Variants in PAN3 observed in about 807,000 individuals in gnomAD.
PAN3 encodes PAN2-PAN3 deadenylation complex subunit PAN3.
PAN3 carries 19 observed loss-of-function variants against 96.2 expected under a neutral mutation model. That is an observed-to-expected ratio of 0.20 (90% CI 0.14 to 0.29). PAN3 has a LOEUF of 0.29. Among genes scored for constraint, PAN3 ranks in the 10% least tolerant of loss-of-function variants. The pLI, the probability that PAN3 is intolerant of heterozygous loss-of-function variation, is 1.00. For synonymous variants in PAN3, 433 were observed against 406.6 expected, an observed-to-expected ratio of 1.06 and a Z score of -0.78; for missense variants, 882 against 1,108.1, an observed-to-expected ratio of 0.80 and a Z score of 2.90.
At chr13:28,215,471 G>T in intron 5 of PAN3, 1 of 689,306 alleles carries the variant, frequency 1.5e-6, no homozygotes, top group South Asian at 1.7e-5. Context: ...AAAGATGTTC[G>T]TTGGGGGAGT....
intron 6 of PAN3, among the ~76,000 whole-genome samples, chr13:28,221,566 G>C (rs908160939): frequency 1.3e-5 from 2 of 152,084 alleles, no homozygotes; most frequent in African/African-American, 4.8e-5. Flanking sequence ...ATCTGTTTTA[G>C]CATTAAAGTA....
rs1227234627 is a variant in PAN3, at chr13:28,294,980, G to C, written c.*2458G>C. 1 of 151,966 alleles carries C rather than the reference G, an allele frequency of 6.6e-6. No homozygotes were observed. Among genetic ancestry groups the C allele is most frequent in the Non-Finnish European group, 1.5e-5 (1 of 68,008 alleles). 9.4% of individuals were successfully genotyped at this position (151,966 alleles called of 1,614,324 possible). On this transcript the variant is annotated 3_prime_UTR_variant, in exon 19 of 19. Transcript: ENST00000380958. ...TAAAAGTCTTTTTAATTAATAGAAA[G>C]ATTTTAATATCCAAGAGTAGTCAAA...
chr13:28,148,414 C>T (rs1593357728), intron 1 of PAN3, among the ~76,000 whole-genome samples: 1 of 152,176 alleles, frequency 6.6e-6, no homozygotes, highest in African/African-American at 2.4e-5. Flanking sequence ...CACTGAGTAG[C>T]TGGGACTACA....
chr13:28,235,718 CACACAT>C (rs1883033571), intron 6 of PAN3, among the ~76,000 whole-genome samples: 1 of 150,816 alleles, frequency 6.6e-6, no homozygotes, highest in East Asian at 1.9e-4. Flanking sequence ...CACACACACA[CACACAT>C]ATATATATAT....
intron 6 of PAN3, among the ~76,000 whole-genome samples, chr13:28,235,961 G>T (rs1883064348): frequency 6.6e-6 from 1 of 151,536 alleles, no homozygotes; most frequent in South Asian, 2.1e-4. Flanking sequence ...CAAACTTCTG[G>T]CCTCAAATGA....
At chr13:28,172,387 C>T (rs984670431) in intron 1 of PAN3, among the ~76,000 whole-genome samples, 10 of 151,868 alleles carry the variant, frequency 6.6e-5, no homozygotes, top group Non-Finnish European at 1.0e-4. Context: ...ACCCAGGGGG[C>T]GAAGCTTGCA....
At chr13:28,276,395 G>A (rs546330513) in intron 14 of PAN3, among the ~76,000 whole-genome samples, 1 of 152,304 alleles carries the variant, frequency 6.6e-6, no homozygotes, top group Admixed American at 6.5e-5. Flanking sequence ...CTCCATTCTT[G>A]AAGGCATGTG....
At chr13:28,172,528 A>G (rs1874442410) in intron 1 of PAN3, among the ~76,000 whole-genome samples, 1 of 152,176 alleles carries the variant, frequency 6.6e-6, no homozygotes, top group African/African-American at 2.4e-5. Context: ...AACTTTGATA[A>G]AAGTAGAGAG....
At chr13:28,233,462 T>C (rs1184146276) in intron 6 of PAN3, among the ~76,000 whole-genome samples, 2 of 152,084 alleles carry the variant, frequency 1.3e-5, no homozygotes, top group Non-Finnish European at 2.9e-5. Context: ...AGATGGGGTT[T>C]CACCATGTTG....
At chr13:28,157,642 G>C (rs1026793443) in intron 1 of PAN3, among the ~76,000 whole-genome samples, 1 of 152,074 alleles carries the variant, frequency 6.6e-6, no homozygotes, top group Non-Finnish European at 1.5e-5. Flanking sequence ...TAGGAATACA[G>C]CTAACCAGGG....
intron 12 of PAN3, 53 bp downstream of exon 12, chr13:28,267,454 G>A (rs1886276741): frequency 9.3e-6 from 13 of 1,398,200 alleles, no homozygotes; most frequent in Non-Finnish European, 1.2e-5. Context: ...TTGCTCTGTG[G>A]AAGAGTAGTT....
chr13:28,138,780 G>T lies in PAN3; in HGVS notation c.123G>T (p.Ala41=), dbSNP rs1321549533. The change falls in exon 1 of 19, where the codon GCG becomes GCT. Residue 41 remains alanine, a synonymous_variant. Coordinates refer to ENST00000380958, the MANE Select transcript of PAN3 (RefSeq NM_175854.8). ...TCGGGGGTGTCCCCGGCGGGGCGGC[G>T]GTAGGAGTGAAGCTGAAGTACTGCC... is the stretch of plus-strand genomic sequence containing the variant. ...PGVGGVPGGA[A]VGVKLKYCRY... is the part of the protein sequence containing the mutation. The T allele has an allele frequency of 3.6e-6, 5 of 1,382,212 alleles. No homozygotes were observed. Among genetic ancestry groups the T allele is most frequent in the Admixed American group, 6.9e-5 (2 of 28,906 alleles). The allele number at this position is 1,382,212 out of a possible 1,614,324, so 85.6% of individuals were successfully genotyped here.
chr13:28,169,490 CAA>C lies in PAN3; in HGVS notation c.431-4780_431-4779del, dbSNP rs1385710441. On this transcript the variant is annotated intron_variant, in intron 1 of 18. Transcript: ENST00000380958. The stretch of plus-strand genomic sequence containing the variant: ...AGGTAATCTGCCCACCTCGGCCTCC[CAA>C]AGTGTTGGGATTACAGGCATGAGCC... Among the ~76,000 whole-genome samples the C allele has an allele frequency of 6.6e-5, 10 of 151,728 alleles. No homozygotes were observed. The South Asian group carries it at 8.3e-4, about 13-fold the overall frequency.
chr13:28,175,258 C>T (rs1328850746), intron 2 of PAN3, among the ~76,000 whole-genome samples: 1 of 152,148 alleles, frequency 6.6e-6, no homozygotes, highest in Admixed American at 6.6e-5. Flanking sequence ...CCCTCTCTCT[C>T]TCTGGAGACA....
rs1555267661 is a variant in PAN3 at position 28,144,718 on chromosome 13, C to CCTTTTTTTTTTTTTTTTTTTTTTT, written c.430+5631_430+5632insCTTTTTTTTTTTTTTTTTTTTTTT. 8.6e-5 allele frequency among the ~76,000 whole-genome samples: 4 copies of CCTTTTTTTTTTTTTTTTTTTTTTT among 46,776 alleles called. 2 individuals carry two copies. The highest frequency in any genetic ancestry group is 1.4e-4 in the African/African-American group (2 of 14,388). The allele number at this position is 46,776 out of a possible 152,430, so 30.7% of individuals were successfully genotyped here. On this transcript the variant is annotated intron_variant, in intron 1 of 18. Transcript: ENST00000380958. ...TATCAAAAGCAAACCAAAACATCATCTTTTTTTTTTTTTTTTTTTTTCCTC... is the reference window on the plus strand; with the variant it reads ...TATCAAAAGCAAACCAAAACATCATCCTTTTTTTTTTTTTTTTTTTTTTTTTTTTTTTTTTTTTTTTTTTTCCTC...
At chr13:28,162,558 C>T (rs1216492367) in intron 1 of PAN3, among the ~76,000 whole-genome samples, 1 of 151,694 alleles carries the variant, frequency 6.6e-6, no homozygotes, top group Admixed American at 6.6e-5. Flanking sequence ...TGGTGGCGCA[C>T]ACCTGTAGAA....
intron 1 of PAN3, among the ~76,000 whole-genome samples, chr13:28,159,868 A>G (rs1052573409): frequency 6.6e-6 from 1 of 152,084 alleles, no homozygotes; most frequent in Admixed American, 6.5e-5. Flanking sequence ...CCCCTGCCAT[A>G]TGTAATTTAC....
rs568234142 is a variant in PAN3 at position 28,139,936 on chromosome 13, GTGT to G, written c.430+875_430+877del. On this transcript the variant is annotated intron_variant, in intron 1 of 18. Coordinates refer to ENST00000380958, the MANE Select transcript of PAN3 (RefSeq NM_175854.8). ...AAGGCTGTTTATATTTCTTTTTCATGTGTTGTTGTTGTTGTTGTTGTTGTTGTT... is the reference window on the plus strand; with the variant it reads ...AAGGCTGTTTATATTTCTTTTTCATGTGTTGTTGTTGTTGTTGTTGTTGTT... 5.1e-3 allele frequency among the ~76,000 whole-genome samples: 773 copies of G among 151,718 alleles called. 5 individuals are homozygous for G. The highest frequency in any genetic ancestry group is 8.9e-3 in the African/African-American group (368 of 41,408).
chr13:28,224,950 A>G (rs867087315), intron 6 of PAN3, among the ~76,000 whole-genome samples: 23 of 152,332 alleles, frequency 1.5e-4, no homozygotes, highest in African/African-American at 5.3e-4. Flanking sequence ...GCAAACTCAT[A>G]TGATTGATAT....
Sources: gnomAD v4.1 joint callset for allele counts (sites outside exome capture counted in the v4.1 genomes callset) on GRCh38, gnomAD v4.1.1 for gene constraint, MANE v1.5 for transcripts, NCBI Gene and HGNC (gene_info 2026-07-23, HGNC 2026-07-21) for gene names.